Variants in TBC1D19 observed in about 807,000 individuals in gnomAD.
The protein encoded by TBC1D19 is TBC1 domain family member 19.
In TBC1D19, 60 loss-of-function variants were observed where a neutral mutation model predicts 89.0. The ratio of observed to expected loss-of-function variants is 0.67; its 90% CI spans 0.55 to 0.84. The LOEUF is 0.84. Among genes scored for constraint, TBC1D19 ranks in the 40% least tolerant of loss-of-function variants. The pLI is 0.00. For missense variants in TBC1D19, 500 were observed against 610.8 expected, an observed-to-expected ratio of 0.82 and a Z score of 1.91; for synonymous variants, 189 against 199.7, an observed-to-expected ratio of 0.95 and a Z score of 0.45.
chr4:26,721,678 C>G lies in TBC1D19; in HGVS notation c.1084+1553C>G, dbSNP rs74384249. ...CATCTCTTAACAAGTGATATTCAAG[C>G]TTCTCAGCATGACATATGAGGACCT... On this transcript the variant is annotated intron_variant, in intron 15 of 20. Coordinates refer to ENST00000264866, the MANE Select transcript of TBC1D19 (RefSeq NM_018317.4). 0.016 allele frequency among the ~76,000 whole-genome samples: 2,403 copies of G among 152,248 alleles called. 160 individuals are homozygous for G. The East Asian group carries it at 0.22, about 14-fold the overall frequency.
At chr4:26,743,996 T>C (rs961083493) in intron 18 of TBC1D19, among the ~76,000 whole-genome samples, 3 of 151,678 alleles carry the variant, frequency 2.0e-5, no homozygotes, top group African/African-American at 7.2e-5. Context: ...AAAATTCTAA[T>C]TGTCAAGGTA....
At chr4:26,696,498 T>C (rs1387710756) in intron 13 of TBC1D19, among the ~76,000 whole-genome samples, 1 of 152,170 alleles carries the variant, frequency 6.6e-6, no homozygotes, top group Non-Finnish European at 1.5e-5. Context: ...CAGCTCTGCA[T>C]CAAGCAGACC....
At chr4:26,736,369 G>C (rs1348834678) in intron 16 of TBC1D19, among the ~76,000 whole-genome samples, 1 of 143,502 alleles carries the variant, frequency 7.0e-6, no homozygotes, top group African/African-American at 2.6e-5. Flanking sequence ...ACAGGAAGGG[G>C]AACATCACAC....
intron 20 of TBC1D19, 113 bp from the exon 21 acceptor site, chr4:26,754,759 AT>A (rs1719176338): frequency 1.3e-6 from 1 of 780,234 alleles, no homozygotes; most frequent in African/African-American, 1.8e-5. Flanking sequence ...TAGTATTAAG[AT>A]TTAGGACAAA....
chr4:26,622,751 G>A (rs569807191), intron 4 of TBC1D19, among the ~76,000 whole-genome samples: 1 of 152,220 alleles, frequency 6.6e-6, no homozygotes, highest in East Asian at 1.9e-4. Context: ...TTTGCATATT[G>A]GTTGTTGCTG....
At chr4:26,636,439 C>A (rs75313704) in intron 4 of TBC1D19, among the ~76,000 whole-genome samples, 5,608 of 142,480 alleles carry the variant, frequency 0.039, 308 homozygotes, top group African/African-American at 0.12. Context: ...TAGATTGTGA[C>A]ACATTCTAAG....
rs1449896711 is a variant in TBC1D19, at chr4:26,598,887, G to T, written c.100-14282G>T. On this transcript the variant is annotated intron_variant, in intron 1 of 20. Coordinates refer to ENST00000264866, the MANE Select transcript of TBC1D19 (RefSeq NM_018317.4). ...ATAGAAAGTTGGGCAAGGATAGAAA[G>T]AAATAGAATAGAAAGAAAAAATAGA... Among the ~76,000 whole-genome samples, 2 of 151,806 alleles carry T rather than the reference G, an allele frequency of 1.3e-5. 1 individual carries two copies. Among genetic ancestry groups the T allele is most frequent in the South Asian group, 4.2e-4 (2 of 4,798 alleles).
At chr4:26,589,855 T>C (rs1739652411) in intron 1 of TBC1D19, among the ~76,000 whole-genome samples, 1 of 152,188 alleles carries the variant, frequency 6.6e-6, no homozygotes, top group Admixed American at 6.5e-5. Context: ...AGAGGAGAGT[T>C]TGGCCAAGGT....
intron 8 of TBC1D19, among the ~76,000 whole-genome samples, chr4:26,664,437 T>C (rs1386640771): frequency 6.6e-6 from 1 of 152,164 alleles, no homozygotes; most frequent in African/African-American, 2.4e-5. Flanking sequence ...TAGAACCTAA[T>C]ATTAAAGCAT....
At chr4:26,801,000 T>C in the TBC1D19 span, among the ~76,000 whole-genome samples, 1 of 152,224 alleles carries the variant, frequency 6.6e-6, no homozygotes, top group Non-Finnish European at 1.5e-5. Flanking sequence ...GTGCAGAAGC[T>C]CTTTAGTTTA....
At chr4:26,845,353 A>T in the TBC1D19 span, among the ~76,000 whole-genome samples, 1 of 152,182 alleles carries the variant, frequency 6.6e-6, no homozygotes, top group Non-Finnish European at 1.5e-5. Context: ...TTTTTTCAAG[A>T]CTTTCCTTAT....
At chr4:26,754,820 T>G in intron 20 of TBC1D19, 53 bp from the exon 21 acceptor site, 1 of 1,414,628 alleles carries the variant, frequency 7.1e-7, no homozygotes, top group Non-Finnish European at 9.6e-7. Context: ...ATGTTTACCT[T>G]ATTTCATAGA....
At chr4:26,667,928 G>A (rs756604017) in intron 9 of TBC1D19, among the ~76,000 whole-genome samples, 9 of 151,978 alleles carry the variant, frequency 5.9e-5, no homozygotes, top group Non-Finnish European at 7.4e-5. Flanking sequence ...ATCTGGCAGA[G>A]TATAGTGGTA....
the TBC1D19 span, among the ~76,000 whole-genome samples, chr4:26,840,593 C>T: frequency 6.6e-6 from 1 of 152,014 alleles, no homozygotes; most frequent in African/African-American, 2.4e-5. Flanking sequence ...TATTGAGGCT[C>T]CTTGTGTTCC....
At chr4:26,629,741 T>C (rs1742680597) in intron 4 of TBC1D19, among the ~76,000 whole-genome samples, 1 of 152,000 alleles carries the variant, frequency 6.6e-6, no homozygotes, top group Non-Finnish European at 1.5e-5. Context: ...GCATCAAAAA[T>C]GTCCATTTTT....
At chr4:26,577,327 G>GTA (rs1491024157) in intron 1 of TBC1D19, among the ~76,000 whole-genome samples, 4 of 151,844 alleles carry the variant, frequency 2.6e-5, no homozygotes, top group Non-Finnish European at 5.9e-5. Flanking sequence ...GTGTGTGTGT[G>GTA]TATTCTCCTA....
chr4:26,589,501 T>C (rs1201427980), intron 1 of TBC1D19, among the ~76,000 whole-genome samples: 1 of 152,168 alleles, frequency 6.6e-6, no homozygotes, highest in African/African-American at 2.4e-5. Context: ...TCACAGTAGG[T>C]GCAGGAGTCA....
At chr4:26,722,546 G>T (rs912390673) in intron 15 of TBC1D19, among the ~76,000 whole-genome samples, 1 of 152,082 alleles carries the variant, frequency 6.6e-6, no homozygotes, top group Non-Finnish European at 1.5e-5. Context: ...ATAAAACAGC[G>T]TATTAGACCA....
At chr4:26,818,442 G>A in the TBC1D19 span, among the ~76,000 whole-genome samples, 2 of 152,040 alleles carry the variant, frequency 1.3e-5, no homozygotes, top group Admixed American at 6.6e-5. Context: ...CCAGGGAGAA[G>A]GGAAGGTCTC....
Sources: gnomAD v4.1 joint callset for allele counts (sites outside exome capture counted in the v4.1 genomes callset) on GRCh38, gnomAD v4.1.1 for gene constraint, MANE v1.5 for transcripts, NCBI Gene and HGNC (gene_info 2026-07-23, HGNC 2026-07-21) for gene names.